RXRA: variants seen among roughly 807,000 people sequenced by gnomAD.
RXRA encodes the protein retinoid X receptor alpha, also known as retinoic acid receptor RXR-alpha.
In RXRA, 5 loss-of-function variants were observed where a neutral mutation model predicts 44.5. The ratio of observed to expected loss-of-function variants is 0.11; its 90% CI spans 0.06 to 0.24. The LOEUF (loss-of-function observed/expected upper bound fraction) is 0.24. Ranked by LOEUF, RXRA falls within the 10% of genes least tolerant of loss-of-function variation. The pLI, the probability that RXRA is intolerant of heterozygous loss-of-function variation, is 1.00. For missense variants in RXRA, 412 were observed against 646.5 expected (o/e 0.64, Z 3.93); for synonymous variants, 291 against 271.4 (o/e 1.07, Z -0.71).
intron 1 of RXRA, among the ~76,000 whole-genome samples, chr9:134,386,447 C>T (rs1416943654): frequency 6.6e-6 from 1 of 152,234 alleles, no homozygotes; most frequent in African/African-American, 2.4e-5. Context: ...CTGTGTCTTG[C>T]CTATGGAGTG....
intron 1 of RXRA, among the ~76,000 whole-genome samples, chr9:134,385,071 G>A (rs1283389611): frequency 2.0e-5 from 3 of 152,214 alleles, no homozygotes; most frequent in Admixed American, 2.0e-4. Context: ...CTACCCCTGC[G>A]CAGCCTTCCT....
intron 1 of RXRA, among the ~76,000 whole-genome samples, chr9:134,393,288 C>T (rs1477685012): frequency 1.3e-5 from 2 of 152,184 alleles, no homozygotes; most frequent in Non-Finnish European, 2.9e-5. Context: ...CACAGAGGAC[C>T]AGGGGTCTGT....
intron 1 of RXRA, among the ~76,000 whole-genome samples, chr9:134,397,347 C>T (rs1830895060): frequency 6.6e-6 from 1 of 152,172 alleles, no homozygotes; most frequent in South Asian, 2.1e-4. Context: ...CGCTTAGCCC[C>T]CGACACTCAG....
intron 7 of RXRA, among the ~76,000 whole-genome samples, chr9:134,429,587 C>T (rs924742473): frequency 2.6e-5 from 4 of 152,226 alleles, no homozygotes; most frequent in Non-Finnish European, 4.4e-5. Flanking sequence ...GTTGGCATGT[C>T]GCAGGCTGCT....
At chr9:134,422,341 C>T (rs1831354884) in intron 6 of RXRA, 5 of 1,283,592 alleles carry the variant, frequency 3.9e-6, no homozygotes, top group Non-Finnish European at 5.1e-6. Flanking sequence ...GGGACACTAC[C>T]CCCTCCCGGG....
chr9:134,351,489 G>T (rs186232794), intron 1 of RXRA, among the ~76,000 whole-genome samples: 1 of 152,226 alleles, frequency 6.6e-6, no homozygotes, highest in African/African-American at 2.4e-5. Context: ...CATGTGGGGA[G>T]CCCCAATAGG....
intron 1 of RXRA, among the ~76,000 whole-genome samples, chr9:134,369,179 G>A (rs1477917673): frequency 4.3e-5 from 3 of 69,974 alleles, no homozygotes; most frequent in African/African-American, 1.8e-4. Context: ...GTGTGTGTGC[G>A]TGGGGGGGTT....
chr9:134,359,983 G>A (rs1214985679), intron 1 of RXRA, among the ~76,000 whole-genome samples: 3 of 152,240 alleles, frequency 2.0e-5, no homozygotes, highest in Non-Finnish European at 4.4e-5. Context: ...TGGAGCCGCG[G>A]GGGTCCCTGG....
At chr9:134,434,435 C>T (rs1034383220) in intron 9 of RXRA, among the ~76,000 whole-genome samples, 1 of 152,174 alleles carries the variant, frequency 6.6e-6, no homozygotes, top group Non-Finnish European at 1.5e-5. Context: ...TACCTTGCAC[C>T]TGGCGCATAG....
chr9:134,381,725 T>G (rs1253621571), intron 1 of RXRA, among the ~76,000 whole-genome samples: 3 of 152,064 alleles, frequency 2.0e-5, no homozygotes, highest in Non-Finnish European at 4.4e-5. Flanking sequence ...GGCCTCCTGG[T>G]TCTGCCTATT....
At chr9:134,368,414 C>T (rs1017002715) in intron 1 of RXRA, among the ~76,000 whole-genome samples, 5 of 152,256 alleles carry the variant, frequency 3.3e-5, no homozygotes, top group Admixed American at 1.3e-4. Flanking sequence ...GGGTCCTTCC[C>T]GCACTGTGGT....
chr9:134,396,662 C>T (rs1830884198), intron 1 of RXRA, among the ~76,000 whole-genome samples: 1 of 152,124 alleles, frequency 6.6e-6, no homozygotes, highest in African/African-American at 2.4e-5. Flanking sequence ...CCCGGGCACC[C>T]TGCCTTTCCT....
At position 134,429,226 on chromosome 9, in the gene RXRA, C is replaced by T; in HGVS notation, c.1029C>T (p.Gly343=). Residue 343 remains glycine (G), a synonymous_variant, in exon 7 of 10, where the codon GGC becomes GGT. Coordinates refer to ENST00000481739, the MANE Select transcript of RXRA (RefSeq NM_002957.6). ...HRNSAHSAGV[G]AIFDRVLTEL... Reference sequence around the variant, plus strand: ...ACAGCGCCCACAGCGCAGGGGTGGGCGCCATCTTTGACAGGTGGGGGTGGT... The same window carrying T: ...ACAGCGCCCACAGCGCAGGGGTGGGTGCCATCTTTGACAGGTGGGGGTGGT... 6.2e-7 allele frequency: 1 copy of T among 1,612,286 alleles called. No individual in the cohort carries two copies. The highest frequency in any genetic ancestry group is 8.5e-7 in the Non-Finnish European group (1 of 1,179,692).
Position 134,408,138 on chromosome 9 carries a change from GC to G in RXRA, c.280-3del, listed in dbSNP as rs1805340. On this transcript the variant is annotated splice_polypyrimidine_tract_variant and intron_variant, in intron 2 of 9. Transcript: ENST00000481739. ...GTACACCCCGCTGACTGCTGTGGTTGCCCCCCCCAGCTCAGCTCACCTATGA... is the reference window on the plus strand; with the variant it reads ...GTACACCCCGCTGACTGCTGTGGTTGCCCCCCCAGCTCAGCTCACCTATGA... The G allele has an allele frequency of 0.02, 29,830 of 1,501,410 alleles. 4,407 individuals carry two copies. In the African/African-American group the frequency reaches 0.34, roughly 17 times the overall value. The allele number at this position is 1,501,410 out of a possible 1,614,324, so 93.0% of individuals were successfully genotyped here. A position where few individuals can be genotyped will look rare whatever the true frequency, so the allele number is the denominator to read the frequency against.
intron 5 of RXRA, among the ~76,000 whole-genome samples, chr9:134,418,964 C>G (rs1831283325): frequency 6.6e-6 from 1 of 152,206 alleles, no homozygotes; most frequent in African/African-American, 2.4e-5. Flanking sequence ...CCCTGCTTCC[C>G]TGCCCTTTCT....
chr9:134,401,756 C>A lies in RXRA; in HGVS notation c.153C>A (p.Ile51=), dbSNP rs769890412. ...IGSPGQLHSP[I]STLSSPINGM... ...CCCCGGGACAGCTGCATTCTCCCATCAGCACCCTGAGCTCCCCCATCAACG... is the reference window on the plus strand; with the variant it reads ...CCCCGGGACAGCTGCATTCTCCCATAAGCACCCTGAGCTCCCCCATCAACG... Residue 51 remains isoleucine (I), a synonymous_variant, in exon 2 of 10, where the codon ATC becomes ATA. Transcript: ENST00000481739. 1.1e-5 allele frequency: 17 copies of A among 1,613,246 alleles called. No homozygotes were observed. Among genetic ancestry groups the A allele is most frequent in the Non-Finnish European group, 1.4e-5 (17 of 1,179,966 alleles).
At chr9:134,427,182 A>G (rs1037290626) in intron 6 of RXRA, 19 of 954,980 alleles carry the variant, frequency 2.0e-5, no homozygotes, top group Non-Finnish European at 2.4e-5. Flanking sequence ...AAAAAAAAAA[A>G]AAGAGGGTTC....
intron 5 of RXRA, among the ~76,000 whole-genome samples, chr9:134,421,355 G>A (rs1447448658): frequency 6.6e-6 from 1 of 152,012 alleles, no homozygotes; most frequent in Non-Finnish European, 1.5e-5. Flanking sequence ...CTCTCCCCTT[G>A]GGCCCCAGCG....
At chr9:134,380,093 T>A (rs908314174) in intron 1 of RXRA, 2 of 985,360 alleles carry the variant, frequency 2.0e-6, no homozygotes, top group African/African-American at 3.5e-5. Flanking sequence ...GTTGTCGTGG[T>A]CAGTCGTGCC....
Sources: gnomAD v4.1 joint callset for allele counts (sites outside exome capture counted in the v4.1 genomes callset) on GRCh38, gnomAD v4.1.1 for gene constraint, MANE v1.5 for transcripts, NCBI Gene and HGNC (gene_info 2026-07-23, HGNC 2026-07-21) for gene names.